The following CAPG variants were observed in gnomAD, a reference collection of about 807,000 sequenced individuals.
CAPG encodes macrophage-capping protein.
In CAPG, 32 loss-of-function variants were observed where a neutral mutation model predicts 44.6. The ratio of observed to expected loss-of-function variants is 0.72; its 90% CI spans 0.54 to 0.96. CAPG has a LOEUF of 0.96. Among genes scored for constraint, CAPG ranks in the 50% least tolerant of loss-of-function variants. CAPG has a pLI of 0.00. For missense variants in CAPG, 412 were observed against 438.3 expected (o/e 0.94, Z 0.54); for synonymous variants, 175 against 179.6 (o/e 0.97, Z 0.20).
At chr2:85,417,225 C>T (rs1687574374) in intron 1 of CAPG, among the ~76,000 whole-genome samples, 1 of 152,192 alleles carries the variant, frequency 6.6e-6, no homozygotes, top group African/African-American at 2.4e-5. Flanking sequence ...CAGGTGCTAT[C>T]CTTGATATGA....
At chr2:85,405,239 T>C (rs927657593) in intron 1 of CAPG, among the ~76,000 whole-genome samples, 2 of 152,076 alleles carry the variant, frequency 1.3e-5, no homozygotes, top group African/African-American at 4.8e-5. Flanking sequence ...AAAGATATTA[T>C]CTTTTTAAAA....
At chr2:85,415,077 G>A (rs537781313), upstream of CAPG, among the ~76,000 whole-genome samples, 2 of 152,316 alleles carry the variant, frequency 1.3e-5, no homozygotes, top group South Asian at 4.1e-4. Flanking sequence ...CTATCTGGGT[G>A]ACCTCAGACA....
chr2:85,400,729 C>T (rs980758154), intron 5 of CAPG, among the ~76,000 whole-genome samples: 1 of 152,172 alleles, frequency 6.6e-6, no homozygotes, highest in Non-Finnish European at 1.5e-5. Context: ...CCCAAGACCC[C>T]CCCAGCACAT....
intron 8 of CAPG, among the ~76,000 whole-genome samples, chr2:85,397,262 A>C (rs1230048170): frequency 6.6e-6 from 1 of 152,186 alleles, no homozygotes; most frequent in East Asian, 1.9e-4. Flanking sequence ...GACATAACCC[A>C]TAACCTTGTT....
intron 1 of CAPG, among the ~76,000 whole-genome samples, chr2:85,409,039 C>T (rs921930828): frequency 6.6e-6 from 1 of 152,186 alleles, no homozygotes; most frequent in East Asian, 1.9e-4. Flanking sequence ...CTTTTCCCCA[C>T]TCTGCCATAG....
rs565296619 is a variant in CAPG at position 85,417,474 on chromosome 2, G to A, written c.-14+793C>T. On this transcript the variant is annotated intron_variant, in intron 1 of 5. Transcript: ENST00000409275. Reference sequence around the variant, plus strand: ...CTTTCACATGCAAACAGCTATCTCAGCTCTTTTTTTTTTTTTTTTTTTTTT... The same window carrying A: ...CTTTCACATGCAAACAGCTATCTCAACTCTTTTTTTTTTTTTTTTTTTTTT... 6.5e-4 allele frequency among the ~76,000 whole-genome samples: 94 copies of A among 143,912 alleles called. 1 individual carries two copies. Among genetic ancestry groups the A allele is most frequent in the South Asian group, 1.1e-3 (5 of 4,556 alleles). 94.4% of individuals were successfully genotyped at this position (143,912 alleles called of 152,430 possible).
intron 4 of CAPG, 22 bp downstream of exon 4, chr2:85,401,507 G>A (rs753219092): frequency 1.2e-6 from 2 of 1,612,262 alleles, no homozygotes; most frequent in South Asian, 2.2e-5. Context: ...CAGGGTGGGG[G>A]TGCCTAGAGG....
intron 5 of CAPG, among the ~76,000 whole-genome samples, chr2:85,400,755 T>G (rs1293047908): frequency 1.3e-5 from 2 of 152,066 alleles, no homozygotes; most frequent in African/African-American, 4.8e-5. Flanking sequence ...CTGTCCCCCT[T>G]AAAGCCCTCA....
At chr2:85,417,094 C>T (rs1274765043) in intron 1 of CAPG, among the ~76,000 whole-genome samples, 3 of 152,278 alleles carry the variant, frequency 2.0e-5, no homozygotes, top group African/African-American at 7.2e-5. Context: ...GGGGAGGGCA[C>T]CAGGTGCCTG....
intron 1 of CAPG, among the ~76,000 whole-genome samples, chr2:85,417,586 A>G (rs1481553475): frequency 1.3e-4 from 19 of 150,264 alleles, no homozygotes; most frequent in Non-Finnish European, 1.5e-5. Context: ...GAGTTCAAGC[A>G]ATTCTCCTGC....
At chr2:85,405,825 G>A (rs1668335882) in intron 1 of CAPG, among the ~76,000 whole-genome samples, 1 of 152,174 alleles carries the variant, frequency 6.6e-6, no homozygotes, top group Admixed American at 6.5e-5. Flanking sequence ...CCTGCAACAG[G>A]CAGCCCAGCC....
At chr2:85,416,551 G>A (rs1484376389) in intron 1 of CAPG, among the ~76,000 whole-genome samples, 5 of 151,420 alleles carry the variant, frequency 3.3e-5, no homozygotes, top group Admixed American at 6.6e-5. Flanking sequence ...CACTCTTGTC[G>A]CCCAAGCTGG....
chr2:85,401,196 G>T lies in CAPG; in HGVS notation c.485C>A (p.Thr162Asn), dbSNP rs1184472713. Residue 162 changes from threonine to asparagine, a missense_variant, in exon 5 of 10, where the codon ACT (threonine) becomes AAT (asparagine). Physicochemically the swap from Thr to Asn is moderately conservative, Grantham distance 65. Coordinates refer to ENST00000263867, the MANE Select transcript of CAPG (RefSeq NM_001747.4). ...CAGGTCCAGGATGAAGCAGTCCCCAGTGTTGAAGCTGTCCCAGTTCAGTGC... is the reference window on the plus strand; with the variant it reads ...CAGGTCCAGGATGAAGCAGTCCCCATTGTTGAAGCTGTCCCAGTTCAGTGC... Reference protein sequence around the residue: ...ERALNWDSFNTGDCFILDLGQ... With the variant: ...ERALNWDSFNNGDCFILDLGQ... The T allele has an allele frequency of 1.9e-6, 3 of 1,614,066 alleles. No individual in the cohort carries two copies. The East Asian group carries it at 6.7e-5, about 36-fold the overall frequency.
upstream of CAPG, among the ~76,000 whole-genome samples, chr2:85,411,346 G>A (rs1240264146): frequency 1.3e-5 from 2 of 152,210 alleles, no homozygotes; most frequent in East Asian, 3.9e-4. Flanking sequence ...CAACTATCCT[G>A]CCTACATCAC....
chr2:85,398,035 T>G lies in CAPG; in HGVS notation c.877A>C (p.Ile293Leu), dbSNP rs764823571. The G allele has an allele frequency of 1.9e-6, 3 of 1,614,006 alleles. No homozygotes were observed. The highest frequency in any genetic ancestry group is 1.3e-5 in the African/African-American group (1 of 75,022). The change falls in exon 8 of 10, where the codon ATC becomes CTC. Residue 293 changes from isoleucine (I) to leucine (L), a missense_variant. Transcript: ENST00000263867. ...AGCCACGTACCCTTCCAGATATAGA[T>G]CTTGCCACAGAGCCCGTTGTCCAGC... The part of the protein sequence containing the change: ...FVLDNGLCGK[I>L]YIWKGRKANE...
intron 5 of CAPG, 82 bp from the exon 6 acceptor site, chr2:85,399,367 C>T (rs1686770871): frequency 1.4e-5 from 19 of 1,400,252 alleles, no homozygotes; most frequent in Non-Finnish European, 1.9e-5. Flanking sequence ...CACAGCTCTC[C>T]CTCTCTCCTC....
rs1171562613 is a variant in CAPG at position 85,401,318 on chromosome 2, C to T, written c.363G>A (p.Val121=). The T allele has an allele frequency of 3.7e-6, 6 of 1,614,022 alleles. No individual in the cohort carries two copies. The highest frequency in any genetic ancestry group is 1.3e-5 in the African/African-American group (1 of 75,044). ...TGGAGGTCTTGTGAAATGCTGACTC[C>T]ACACCACCTTCCTGCAGCCCAGACG... ...PRGLKYQEGG[V]ESAFHKTSTG... The change falls in exon 5 of 10, where the codon GTG becomes GTA. Residue 121 remains valine (V), a synonymous_variant. Transcript: ENST00000263867.
At position 85,394,877 on chromosome 2, in the gene CAPG, AG is replaced by A; in HGVS notation, c.*15del. 1 of 1,600,154 alleles carries A rather than the reference AG, an allele frequency of 6.2e-7. No homozygotes were observed. Among genetic ancestry groups the A allele is most frequent in the Non-Finnish European group, 8.6e-7 (1 of 1,167,108 alleles). Reference sequence around the variant, plus strand: ...GGTGGGGGGCAGGGGAGCATGGGGCAGGAAGACGCCCACCCTCATTTCCAGT... The same window carrying A: ...GGTGGGGGGCAGGGGAGCATGGGGCAGAAGACGCCCACCCTCATTTCCAGT... On this transcript the variant is annotated 3_prime_UTR_variant, in exon 10 of 10. Transcript: ENST00000263867.
chr2:85,408,267 G>A (rs980041638), intron 1 of CAPG, among the ~76,000 whole-genome samples: 11 of 151,786 alleles, frequency 7.2e-5, no homozygotes, highest in East Asian at 1.9e-4. Flanking sequence ...GCTGGAACCC[G>A]GGAGGCAGAG....
Sources: allele counts gnomAD v4.1 joint callset (sites outside exome capture counted in the v4.1 genomes callset), GRCh38; gene constraint gnomAD v4.1.1; transcripts MANE v1.5; gene names NCBI Gene and HGNC (gene_info 2026-07-23, HGNC 2026-07-21).